Variants in RIT2 observed in about 807,000 individuals in gnomAD.
The protein encoded by RIT2 is GTP-binding protein Rit2.
RIT2 carries 24 observed loss-of-function variants against 23.7 expected under a neutral mutation model. That is an observed-to-expected ratio of 1.01 (90% CI 0.73 to 1.43). The LOEUF (loss-of-function observed/expected upper bound fraction) is 1.43, where lower values mean the gene tolerates loss of function less well. Among genes scored for constraint, RIT2 ranks in the 40% most tolerant of loss-of-function variants. The pLI, the probability that RIT2 is intolerant of heterozygous loss-of-function variation, is 0.00. For missense variants in RIT2, 236 were observed against 266.9 expected, an observed-to-expected ratio of 0.88 and a Z score of 0.81; for synonymous variants, 107 against 91.1, an observed-to-expected ratio of 1.17 and a Z score of -0.99.
chr18:42,930,770 G>A (rs1465487221), intron 3 of RIT2, among the ~76,000 whole-genome samples: 1 of 152,082 alleles, frequency 6.6e-6, no homozygotes, highest in East Asian at 1.9e-4. Flanking sequence ...GAATCTAAAT[G>A]GGGTAGTTGT....
chr18:43,021,748 A>C (rs1911602729), intron 2 of RIT2, among the ~76,000 whole-genome samples: 1 of 152,098 alleles, frequency 6.6e-6, no homozygotes, highest in Non-Finnish European at 1.5e-5. Flanking sequence ...AGGCCTCCCC[A>C]AAAGCAGAAG....
chr18:42,871,573 C>T (rs1201467919), intron 4 of RIT2, among the ~76,000 whole-genome samples: 1 of 152,092 alleles, frequency 6.6e-6, no homozygotes, highest in Non-Finnish European at 1.5e-5. Context: ...CTCTAGATAA[C>T]CAAATGTCAT....
At chr18:43,103,405 G>A (rs1913734152) in intron 1 of RIT2, among the ~76,000 whole-genome samples, 1 of 152,016 alleles carries the variant, frequency 6.6e-6, no homozygotes, top group Non-Finnish European at 1.5e-5. Flanking sequence ...ATTAAAACAG[G>A]AAAATTAAAC....
At chr18:42,933,587 G>T (rs1909379871) in intron 3 of RIT2, among the ~76,000 whole-genome samples, 1 of 152,092 alleles carries the variant, frequency 6.6e-6, no homozygotes, top group East Asian at 1.9e-4. Flanking sequence ...AAATGTAATG[G>T]TTTCATAAGG....
intron 3 of RIT2, among the ~76,000 whole-genome samples, chr18:42,957,336 AT>A: frequency 6.6e-6 from 1 of 152,288 alleles, no homozygotes; most frequent in African/African-American, 2.4e-5. Flanking sequence ...AGAATTATAG[AT>A]TTTTAAATGA....
intron 4 of RIT2, among the ~76,000 whole-genome samples, chr18:42,773,296 A>G (rs1160746118): frequency 1.3e-5 from 2 of 152,232 alleles, no homozygotes; most frequent in African/African-American, 4.8e-5. Flanking sequence ...AAGGTAATGG[A>G]AGGAAGCTTT....
chr18:43,024,818 A>G (rs1911673983), intron 2 of RIT2, among the ~76,000 whole-genome samples: 1 of 152,132 alleles, frequency 6.6e-6, no homozygotes, highest in Non-Finnish European at 1.5e-5. Flanking sequence ...ACAAACAGCC[A>G]ACAAATATAT....
At chr18:43,062,264 C>T (rs1353956145) in intron 1 of RIT2, among the ~76,000 whole-genome samples, 6 of 152,144 alleles carry the variant, frequency 3.9e-5, no homozygotes, top group African/African-American at 7.2e-5. Context: ...ACAACCCTCA[C>T]GATTTCCTTA....
intron 3 of RIT2, among the ~76,000 whole-genome samples, chr18:42,968,143 C>T (rs1368365245): frequency 5.9e-5 from 9 of 152,048 alleles, no homozygotes; most frequent in African/African-American, 1.7e-4. Flanking sequence ...TCTATTTTCT[C>T]GTCTTGTTCA....
chr18:43,060,497 C>T (rs1432752356), intron 1 of RIT2, among the ~76,000 whole-genome samples: 3 of 152,094 alleles, frequency 2.0e-5, no homozygotes, highest in Non-Finnish European at 4.4e-5. Flanking sequence ...TTGGGAGATG[C>T]TGTGAGAGAA....
At chr18:43,020,802 T>C (rs62092664) in intron 2 of RIT2, among the ~76,000 whole-genome samples, 13,090 of 152,148 alleles carry the variant, frequency 0.086, 673 homozygotes, top group East Asian at 0.17. Flanking sequence ...AAAAACTAGA[T>C]ATCCATATGC....
intron 4 of RIT2, among the ~76,000 whole-genome samples, chr18:42,836,249 G>C (rs1306934074): frequency 6.6e-6 from 1 of 151,912 alleles, no homozygotes; most frequent in Non-Finnish European, 1.5e-5. Context: ...TGTCTTGGAG[G>C]TCACAGTGGG....
intron 4 of RIT2, among the ~76,000 whole-genome samples, chr18:42,891,122 CCAGAATGTAAGGA>C (rs1908161297): frequency 6.6e-6 from 1 of 152,062 alleles, no homozygotes; most frequent in African/African-American, 2.4e-5. Context: ...TTGTTGAAAT[CCAGAATGTAAGGA>C]CAGAGCTGAA....
At chr18:42,873,554 G>T (rs780661822) in intron 4 of RIT2, among the ~76,000 whole-genome samples, 3 of 152,008 alleles carry the variant, frequency 2.0e-5, no homozygotes, top group Non-Finnish European at 2.9e-5. Context: ...TGATTTTAGA[G>T]TTTATTTAAC....
At chr18:42,934,856 C>G (rs1387073281) in intron 3 of RIT2, among the ~76,000 whole-genome samples, 1 of 152,100 alleles carries the variant, frequency 6.6e-6, no homozygotes, top group African/African-American at 2.4e-5. Flanking sequence ...CAGTCTCTTG[C>G]CCCTCAAAGT....
rs539374900 is a variant in RIT2, at chr18:43,051,828, T to C, written c.104-17961A>G. Among the ~76,000 whole-genome samples the C allele has an allele frequency of 7.2e-5, 11 of 152,284 alleles. No individual in the cohort carries two copies. In the South Asian group the frequency reaches 1.9e-3, roughly 26 times the overall value. ...AATGTCAAACAAAATGTTTAACTTTTAACTTTGTAACTTGTTATGGAGACC... is the reference window on the plus strand; with the variant it reads ...AATGTCAAACAAAATGTTTAACTTTCAACTTTGTAACTTGTTATGGAGACC... On this transcript the variant is annotated intron_variant, in intron 1 of 4. Transcript: ENST00000326695.
intron 4 of RIT2, among the ~76,000 whole-genome samples, chr18:42,762,294 T>C (rs1297682618): frequency 6.6e-6 from 1 of 152,214 alleles, no homozygotes; most frequent in African/African-American, 2.4e-5. Context: ...AAAGATTGTT[T>C]TGTCTTATTT....
chr18:42,919,538 A>C (rs1051729127), intron 4 of RIT2, among the ~76,000 whole-genome samples: 2 of 151,882 alleles, frequency 1.3e-5, no homozygotes, highest in Admixed American at 6.6e-5. Context: ...ACATAGTGAA[A>C]CCACGTCTTT....
At chr18:42,981,817 G>A (rs2144214586) in intron 2 of RIT2, among the ~76,000 whole-genome samples, 1 of 151,948 alleles carries the variant, frequency 6.6e-6, no homozygotes, top group South Asian at 2.1e-4. Flanking sequence ...TAAACACTCA[G>A]GTACATTAAT....
Sources: allele counts gnomAD v4.1 joint callset (sites outside exome capture counted in the v4.1 genomes callset), GRCh38; gene constraint gnomAD v4.1.1; transcripts MANE v1.5; gene names NCBI Gene and HGNC (gene_info 2026-07-23, HGNC 2026-07-21).